STPG2: variants seen among roughly 807,000 people sequenced by gnomAD.
The protein encoded by STPG2 is sperm-tail PG-rich repeat-containing protein 2.
Under a neutral mutation model 54.2 loss-of-function variants are expected in STPG2, and 56 were observed. That is an observed-to-expected ratio of 1.03 (90% CI 0.83 to 1.29). The LOEUF is 1.29. Ranked by LOEUF, STPG2 falls within the 50% of genes most tolerant of loss-of-function variation. The pLI is 0.00. For synonymous variants in STPG2, 200 were observed against 181.8 expected, an observed-to-expected ratio of 1.10 and a Z score of -0.81; for missense variants, 596 against 544.9, an observed-to-expected ratio of 1.09 and a Z score of -0.93.
intron 10 of STPG2, among the ~76,000 whole-genome samples, chr4:97,610,604 C>T (rs1733706199): frequency 6.6e-6 from 1 of 151,958 alleles, no homozygotes; most frequent in Non-Finnish European, 1.5e-5. Flanking sequence ...TTCCAATCTA[C>T]ACAGTCACAT....
intron 1 of STPG2, 123 bp downstream of exon 1, chr4:98,142,919 T>C: frequency 3.7e-6 from 3 of 807,726 alleles, no homozygotes; most frequent in Non-Finnish European, 4.3e-6. Context: ...GCCTACTTCA[T>C]GTTTTGTTAT....
At chr4:98,019,597 T>C (rs989365581) in intron 5 of STPG2, among the ~76,000 whole-genome samples, 2 of 151,498 alleles carry the variant, frequency 1.3e-5, no homozygotes, top group African/African-American at 4.9e-5. Flanking sequence ...AATGTATAAA[T>C]TACCTTGGGC....
At chr4:97,641,998 G>C (rs985352343) in intron 10 of STPG2, among the ~76,000 whole-genome samples, 4 of 151,266 alleles carry the variant, frequency 2.6e-5, no homozygotes, top group Non-Finnish European at 5.9e-5. Context: ...TGGTTTATTT[G>C]GCATTTAACT....
intron 7 of STPG2, among the ~76,000 whole-genome samples, chr4:97,966,760 C>T (rs1450368257): frequency 6.6e-6 from 1 of 152,140 alleles, no homozygotes; most frequent in African/African-American, 2.4e-5. Context: ...ATTTCATATC[C>T]AGCCAAACTA....
chr4:97,547,035 T>C (rs903773205), intron 4 of STPG2, among the ~76,000 whole-genome samples: 1 of 152,056 alleles, frequency 6.6e-6, no homozygotes, highest in Non-Finnish European at 1.5e-5. Context: ...ATTTTTCAAG[T>C]GAAGGGCAAG....
intron 4 of STPG2, among the ~76,000 whole-genome samples, chr4:97,506,704 C>T (rs2148837452): frequency 6.6e-6 from 1 of 151,966 alleles, no homozygotes; most frequent in South Asian, 2.1e-4. Flanking sequence ...GGCAAATGGA[C>T]TGTTATATTA....
chr4:97,832,284 C>T (rs1327838107), intron 9 of STPG2, among the ~76,000 whole-genome samples: 2 of 152,164 alleles, frequency 1.3e-5, no homozygotes, highest in African/African-American at 4.8e-5. Flanking sequence ...ACATAATTAG[C>T]TCAATAGATG....
chr4:97,799,904 A>G (rs1727326136), intron 9 of STPG2, among the ~76,000 whole-genome samples: 1 of 151,644 alleles, frequency 6.6e-6, no homozygotes, highest in South Asian at 2.1e-4. Flanking sequence ...TTTTCTCTAA[A>G]CTTCTCTTCT....
intron 8 of STPG2, among the ~76,000 whole-genome samples, chr4:97,922,469 G>A (rs899634341): frequency 2.0e-5 from 3 of 152,138 alleles, no homozygotes; most frequent in Non-Finnish European, 4.4e-5. Context: ...TCATTTTGAA[G>A]AAACTGAGAA....
chr4:97,831,684 G>C (rs1329949154), intron 9 of STPG2, among the ~76,000 whole-genome samples: 2 of 151,898 alleles, frequency 1.3e-5, no homozygotes, highest in Non-Finnish European at 2.9e-5. Context: ...ATGATAAAGG[G>C]GATATCACCA....
chr4:97,748,609 G>A (rs1184415256), intron 9 of STPG2, among the ~76,000 whole-genome samples: 1 of 151,438 alleles, frequency 6.6e-6, no homozygotes, highest in Non-Finnish European at 1.5e-5. Context: ...AAGGATTTTA[G>A]GTTTTGCAGA....
chr4:97,507,155 T>TA (rs1027453119), intron 4 of STPG2, among the ~76,000 whole-genome samples: 2 of 151,668 alleles, frequency 1.3e-5, no homozygotes, highest in Non-Finnish European at 2.9e-5. Flanking sequence ...ATCCCTTCTC[T>TA]AAAAAAACAA....
At chr4:97,998,112 T>C (rs1432641876) in intron 5 of STPG2, among the ~76,000 whole-genome samples, 1 of 152,204 alleles carries the variant, frequency 6.6e-6, no homozygotes, top group Non-Finnish European at 1.5e-5. Flanking sequence ...TGAGTCATGA[T>C]AGATTGTCTA....
At chr4:97,485,589 C>T (rs1578335468) in intron 4 of STPG2, among the ~76,000 whole-genome samples, 1 of 151,918 alleles carries the variant, frequency 6.6e-6, no homozygotes, top group East Asian at 1.9e-4. Context: ...ATCCCATGCT[C>T]ATGGATGGAT....
At chr4:98,047,469 G>A (rs1244147717) in intron 5 of STPG2, among the ~76,000 whole-genome samples, 11 of 152,142 alleles carry the variant, frequency 7.2e-5, no homozygotes, top group Non-Finnish European at 1.3e-4. Flanking sequence ...GAGAAACGGG[G>A]ATCTAGGAGT....
At chr4:97,484,507 A>T (rs547776486) in intron 4 of STPG2, among the ~76,000 whole-genome samples, 12 of 151,984 alleles carry the variant, frequency 7.9e-5, no homozygotes, top group African/African-American at 2.6e-4. Context: ...CCTAGCTTAA[A>T]TCAGGAAGAA....
At chr4:97,597,202 C>T (rs895394566) in intron 10 of STPG2, among the ~76,000 whole-genome samples, 7 of 152,052 alleles carry the variant, frequency 4.6e-5, no homozygotes, top group East Asian at 1.9e-4. Context: ...CCTGAGAATG[C>T]GCTAGGAAGA....
chr4:97,966,435 G>T (rs1386279097), intron 7 of STPG2, among the ~76,000 whole-genome samples: 1 of 152,200 alleles, frequency 6.6e-6, no homozygotes, highest in South Asian at 2.1e-4. Context: ...ATGGAACCAA[G>T]CTGGAAAACA....
chr4:97,809,230 AT>A (rs1469143829), intron 9 of STPG2, among the ~76,000 whole-genome samples: 1 of 152,210 alleles, frequency 6.6e-6, no homozygotes, highest in Non-Finnish European at 1.5e-5. Context: ...GAAACTAGAA[AT>A]TGAAAACACA....
Sources: allele counts gnomAD v4.1 joint callset (sites outside exome capture counted in the v4.1 genomes callset), GRCh38; gene constraint gnomAD v4.1.1; transcripts MANE v1.5; gene names NCBI Gene and HGNC (gene_info 2026-07-23, HGNC 2026-07-21).